Variants in NEO1 observed in about 807,000 individuals in gnomAD.
NEO1 encodes neogenin 1.
NEO1 carries 63 observed loss-of-function variants against 159.7 expected under a neutral mutation model. That is an observed-to-expected ratio of 0.39 (90% CI 0.32 to 0.49). The LOEUF (loss-of-function observed/expected upper bound fraction) is 0.49. Among genes scored for constraint, NEO1 ranks in the 20% least tolerant of loss-of-function variants. NEO1 has a pLI of 0.85. For synonymous variants in NEO1, 633 were observed against 662.0 expected (o/e 0.96, Z 0.67); for missense variants, 1,615 against 1,831.0 (o/e 0.88, Z 2.15).
At chr15:73,062,215 T>G (rs1376632665) in intron 1 of NEO1, among the ~76,000 whole-genome samples, 2 of 152,164 alleles carry the variant, frequency 1.3e-5, no homozygotes, top group Non-Finnish European at 2.9e-5. Context: ...GCCAATTTGA[T>G]AGAAGAAAAA....
intron 1 of NEO1, among the ~76,000 whole-genome samples, chr15:73,114,128 C>T (rs977006542): frequency 6.6e-6 from 1 of 152,124 alleles, no homozygotes; most frequent in Non-Finnish European, 1.5e-5. Flanking sequence ...GCACCTGGGA[C>T]AGACAGCATT....
chr15:73,213,984 G>A (rs1034956592), intron 7 of NEO1, among the ~76,000 whole-genome samples: 3 of 151,958 alleles, frequency 2.0e-5, no homozygotes, highest in African/African-American at 7.3e-5. Context: ...AGGTGGTAGC[G>A]CATTGTGGTT....
rs375973109 is a variant in NEO1 at position 73,301,466 on chromosome 15, G to T, written c.4302+9G>T. On this transcript the variant is annotated intron_variant, in intron 28 of 28. Coordinates refer to ENST00000261908, the MANE Select transcript of NEO1 (RefSeq NM_002499.4). Reference sequence around the variant, plus strand: ...TGGAAGACTCCGAGAGTGTAAGTTCGTGGGGCCATCAGTCCAGCCAGATTG... The same window carrying T: ...TGGAAGACTCCGAGAGTGTAAGTTCTTGGGGCCATCAGTCCAGCCAGATTG... 1.6e-5 allele frequency: 26 copies of T among 1,614,132 alleles called. No homozygotes were observed. The highest frequency in any genetic ancestry group is 2.1e-5 in the Non-Finnish European group (25 of 1,180,020).
intron 5 of NEO1, among the ~76,000 whole-genome samples, chr15:73,171,665 A>G (rs968577448): frequency 6.7e-6 from 1 of 149,046 alleles, no homozygotes; most frequent in Non-Finnish European, 1.5e-5. Context: ...TACTTGAGAC[A>G]GAGTCTTGTT....
chr15:73,166,162 C>T (rs1164257626), intron 5 of NEO1, among the ~76,000 whole-genome samples: 3 of 152,132 alleles, frequency 2.0e-5, no homozygotes, highest in Non-Finnish European at 1.5e-5. Flanking sequence ...TGATACCACC[C>T]CCATACCTGC....
At chr15:73,138,202 A>T (rs578202053) in intron 5 of NEO1, among the ~76,000 whole-genome samples, 1 of 152,310 alleles carries the variant, frequency 6.6e-6, no homozygotes, top group East Asian at 1.9e-4. Flanking sequence ...AGAGCAGATC[A>T]CCTACAAAAG....
intron 7 of NEO1, among the ~76,000 whole-genome samples, chr15:73,227,748 A>T (rs1334734498): frequency 6.6e-6 from 1 of 152,222 alleles, no homozygotes; most frequent in African/African-American, 2.4e-5. Flanking sequence ...CATGGTGTTT[A>T]CATACTGTTC....
intron 5 of NEO1, among the ~76,000 whole-genome samples, chr15:73,139,739 G>A (rs2032194500): frequency 6.6e-6 from 1 of 152,178 alleles, no homozygotes; most frequent in African/African-American, 2.4e-5. Flanking sequence ...AAAACTTTAT[G>A]AGATTTCAAA....
At chr15:73,289,820 C>T (rs2042093433) in intron 25 of NEO1, among the ~76,000 whole-genome samples, 1 of 152,052 alleles carries the variant, frequency 6.6e-6, no homozygotes, top group South Asian at 2.1e-4. Context: ...TATGGTGGTA[C>T]ATGTCTATAA....
At chr15:73,209,746 C>T (rs964337167) in intron 7 of NEO1, among the ~76,000 whole-genome samples, 6 of 152,160 alleles carry the variant, frequency 3.9e-5, no homozygotes, top group Admixed American at 3.3e-4. Context: ...AATTCCAGCA[C>T]TTTGGGAGGC....
intron 7 of NEO1, among the ~76,000 whole-genome samples, chr15:73,181,398 A>G (rs2035604328): frequency 6.6e-6 from 1 of 152,168 alleles, no homozygotes; most frequent in African/African-American, 2.4e-5. Flanking sequence ...GGATCCTACT[A>G]AGGAGATTGT....
chr15:73,059,904 C>T (rs1045653729), intron 1 of NEO1, among the ~76,000 whole-genome samples: 1 of 152,088 alleles, frequency 6.6e-6, no homozygotes, highest in African/African-American at 2.4e-5. Context: ...GGAGATTGAT[C>T]ATACTGATTT....
chr15:73,241,042 C>A (rs181884353), intron 8 of NEO1, among the ~76,000 whole-genome samples: 2 of 152,278 alleles, frequency 1.3e-5, no homozygotes, highest in Admixed American at 1.3e-4. Flanking sequence ...CAAATTCACC[C>A]ACTTCCTGCA....
chr15:73,296,929 T>C (rs1425472335), intron 26 of NEO1, among the ~76,000 whole-genome samples: 1 of 152,224 alleles, frequency 6.6e-6, no homozygotes, highest in Non-Finnish European at 1.5e-5. Context: ...TGGACAGCAG[T>C]TGGCCACAGA....
At chr15:73,294,613 C>A (rs563558268) in intron 26 of NEO1, among the ~76,000 whole-genome samples, 1 of 152,202 alleles carries the variant, frequency 6.6e-6, no homozygotes, top group South Asian at 2.1e-4. Flanking sequence ...GATCTCGGCT[C>A]ACTGTAACCT....
intron 21 of NEO1, among the ~76,000 whole-genome samples, chr15:73,277,385 T>A (rs1449587247): frequency 1.3e-5 from 2 of 152,204 alleles, no homozygotes. Context: ...GTATAAGAAT[T>A]TTTTAAAAAA....
chr15:73,171,811 T>C (rs1454209008), intron 5 of NEO1, among the ~76,000 whole-genome samples: 1 of 151,674 alleles, frequency 6.6e-6, no homozygotes, highest in Non-Finnish European at 1.5e-5. Context: ...CTGGCTAATT[T>C]TTGTATTTTT....
Position 73,302,828 on chromosome 15 carries a change from G to A in NEO1, c.*132G>A, listed in dbSNP as rs115507368. The stretch of plus-strand genomic sequence containing the variant: ...AGAATGAGCCAGCAGACTGGCCAGC[G>A]CCTCTGTGTAGGGCTGGCTCCAGGC... On this transcript the variant is annotated 3_prime_UTR_variant, in exon 29 of 29. Transcript: ENST00000261908. 1,389 of 814,564 alleles carry A rather than the reference G, an allele frequency of 1.7e-3. 16 individuals are homozygous for A. In the African/African-American group the frequency reaches 0.021, roughly 13 times the overall value. The allele number at this position is 814,564 out of a possible 1,614,324, so 50.5% of individuals were successfully genotyped here. A position where few individuals can be genotyped will look rare whatever the true frequency, so the allele number is the denominator to read the frequency against.
intron 7 of NEO1, among the ~76,000 whole-genome samples, chr15:73,196,816 C>G (rs55646651): frequency 0.32 from 48,991 of 152,106 alleles, 9,089 homozygotes; most frequent in Admixed American, 0.45. Context: ...TATTTGAAAC[C>G]TTCTTGCCTC....
Sources: allele counts gnomAD v4.1 joint callset (sites outside exome capture counted in the v4.1 genomes callset), GRCh38; gene constraint gnomAD v4.1.1; transcripts MANE v1.5; gene names NCBI Gene and HGNC (gene_info 2026-07-23, HGNC 2026-07-21).